The following FRAS1 variants were observed in gnomAD, a reference collection of about 807,000 sequenced individuals.
FRAS1 encodes the protein Fraser extracellular matrix complex subunit 1.
Under a neutral mutation model 435.2 loss-of-function variants are expected in FRAS1, and 290 were observed. That is an observed-to-expected ratio of 0.67 (90% CI 0.61 to 0.73). The LOEUF (loss-of-function observed/expected upper bound fraction) is 0.73. FRAS1 is among the 30% of genes least tolerant of loss of function. The pLI is 0.00. For synonymous variants in FRAS1, 1,800 were observed against 1,851.0 expected (o/e 0.97, Z 0.71); for missense variants, 4,860 against 5,001.5 (o/e 0.97, Z 0.85).
chr4:78,499,247 GGGT>G (rs1274186699), intron 60 of FRAS1, among the ~76,000 whole-genome samples: 6 of 152,092 alleles, frequency 3.9e-5, no homozygotes, highest in Non-Finnish European at 8.8e-5. Flanking sequence ...CAGAGGTGAG[GGGT>G]GGACTTGGTA....
chr4:78,089,187 C>A (rs1407844623), intron 2 of FRAS1, among the ~76,000 whole-genome samples: 1 of 149,892 alleles, frequency 6.7e-6, no homozygotes, highest in Non-Finnish European at 1.5e-5. Context: ...GGACAAAAAA[C>A]CAAATACCGC....
At position 78,363,515 on chromosome 4, in the gene FRAS1, T is replaced by A. The variant is rs750589426; in HGVS notation, c.2425T>A (p.Cys809Ser). 6.2e-7 allele frequency: 1 copy of A among 1,607,918 alleles called. No homozygotes were observed. Among genetic ancestry groups the A allele is most frequent in the Non-Finnish European group, 8.5e-7 (1 of 1,176,238 alleles). Residue 809 changes from cysteine to serine, a missense_variant and splice_region_variant, in exon 21 of 74, where the codon TGC becomes AGC. Physicochemically the swap from Cys to Ser is moderately radical, Grantham distance 112 (BLOSUM62 -1). Transcript: ENST00000512123. ...CTGTGCTCCCCTTCCCCCTCCAGAC[T>A]GCCATCACCTGTGCCAGCACTGTGC... ...FLNLVGYCAD[C>S]HHLCQHCAAD...
chr4:78,098,449 A>G (rs767150105), intron 2 of FRAS1, among the ~76,000 whole-genome samples: 1 of 151,624 alleles, frequency 6.6e-6, no homozygotes, highest in African/African-American at 2.4e-5. Context: ...TAATTTTTGT[A>G]TTTTTAGTAG....
intron 5 of FRAS1, among the ~76,000 whole-genome samples, chr4:78,254,603 C>T (rs1241200090): frequency 6.6e-6 from 1 of 152,052 alleles, no homozygotes. Context: ...TTTCTTAAGT[C>T]CTAAGAGGCC....
rs115152537 is a variant in FRAS1 at position 78,414,079 on chromosome 4, G to A, written c.4425+994G>A. Among the ~76,000 whole-genome samples the A allele has an allele frequency of 8.6e-3, 1,311 of 152,292 alleles. 22 individuals are homozygous for A. The highest frequency in any genetic ancestry group is 0.029 in the African/African-American group (1,215 of 41,562). The stretch of plus-strand genomic sequence containing the variant: ...ATAGTTTTAGAAATTATGGGTCTGG[G>A]TTATGACAGAGACATAAAGGGGAAA... On this transcript the variant is annotated intron_variant, in intron 32 of 73. Transcript: ENST00000512123.
In FRAS1 at chr4:78,079,414, A is replaced by G. The variant is rs992761021; in HGVS notation, c.108+13398A>G. ...GACAACTTAGACAAGGTTCTTTCTC[A>G]AAGATAGGAGCAAAGTAAGATAAAG... On this transcript the variant is annotated intron_variant, in intron 2 of 73. Coordinates refer to ENST00000512123, the MANE Select transcript of FRAS1 (RefSeq NM_025074.7). Among the ~76,000 whole-genome samples the G allele has an allele frequency of 2.6e-5, 4 of 152,262 alleles. No individual in the cohort carries two copies. The South Asian group carries it at 8.3e-4, about 32-fold the overall frequency.
intron 2 of FRAS1, among the ~76,000 whole-genome samples, chr4:78,185,984 C>T (rs1722251722): frequency 6.6e-6 from 1 of 152,148 alleles, no homozygotes; most frequent in Non-Finnish European, 1.5e-5. Flanking sequence ...TGCCTCATGA[C>T]TCCAAAAAAC....
intron 31 of FRAS1, among the ~76,000 whole-genome samples, chr4:78,409,224 G>T (rs563840591): frequency 6.6e-6 from 1 of 150,800 alleles, no homozygotes; most frequent in Non-Finnish European, 1.5e-5. Context: ...ATAATAAAAG[G>T]ATAAACAAAA....
intron 66 of FRAS1, among the ~76,000 whole-genome samples, chr4:78,518,381 A>C (rs927762167): frequency 2.0e-5 from 3 of 147,976 alleles, no homozygotes; most frequent in African/African-American, 7.4e-5. Flanking sequence ...TAATTAGCCA[A>C]TGATAAAATA....
chr4:78,325,749 C>T (rs1481511708), intron 18 of FRAS1, among the ~76,000 whole-genome samples: 1 of 152,186 alleles, frequency 6.6e-6, no homozygotes, highest in Non-Finnish European at 1.5e-5. Flanking sequence ...GCCATAATAG[C>T]AGTAGTCACA....
intron 9 of FRAS1, among the ~76,000 whole-genome samples, chr4:78,277,482 G>A (rs546666423): frequency 2.9e-4 from 44 of 152,050 alleles, no homozygotes; most frequent in Non-Finnish European, 4.6e-4. Flanking sequence ...TTAGAAAGTA[G>A]ATATGTCTTT....
chr4:78,185,624 G>A lies in FRAS1; in HGVS notation c.109-51886G>A, dbSNP rs182718839. ...TTGTGACCAGACGCCTTGCATTCCT[G>A]ACTGGTTGATTGTCATACAGTTTTA... On this transcript the variant is annotated intron_variant, in intron 2 of 73. Coordinates refer to ENST00000512123, the MANE Select transcript of FRAS1 (RefSeq NM_025074.7). Among the ~76,000 whole-genome samples the A allele has an allele frequency of 2.6e-5, 4 of 152,264 alleles. No homozygotes were observed. The East Asian group carries it at 7.7e-4, about 29-fold the overall frequency.
At chr4:78,329,723 G>T (rs1729867517) in intron 18 of FRAS1, among the ~76,000 whole-genome samples, 2 of 152,176 alleles carry the variant, frequency 1.3e-5, no homozygotes, top group African/African-American at 4.8e-5. Context: ...CATGGGAAAT[G>T]GTCAAAGGAC....
rs1488177060 is a variant in FRAS1, at chr4:78,282,838, G to T, written c.1126G>T (p.Asp376Tyr). ...TGCGTAGGAGGGAGAGAAGTGGGAA[G>T]ATGGCCCTTGCAAGGTGTGTGAGTG... ...KRIPEGEKWE[D>Y]GPCKVCECRG... is the part of the protein sequence containing the mutation. The change falls in exon 12 of 74, where the codon GAT becomes TAT. Residue 376 changes from aspartate to tyrosine, a missense_variant. Coordinates refer to ENST00000512123, the MANE Select transcript of FRAS1 (RefSeq NM_025074.7). 6.2e-7 allele frequency: 1 copy of T among 1,613,444 alleles called. No homozygotes were observed. Among genetic ancestry groups the T allele is most frequent in the Admixed American group, 1.7e-5 (1 of 59,984 alleles).
chr4:78,378,290 T>G (rs1344798808), intron 26 of FRAS1, among the ~76,000 whole-genome samples: 2 of 152,204 alleles, frequency 1.3e-5, no homozygotes, highest in Non-Finnish European at 2.9e-5. Flanking sequence ...AATATTACAT[T>G]TTGTGACATA....
intron 67 of FRAS1, among the ~76,000 whole-genome samples, chr4:78,519,836 A>T (rs1238456507): frequency 6.6e-6 from 1 of 152,176 alleles, no homozygotes; most frequent in Non-Finnish European, 1.5e-5. Flanking sequence ...GTTTTTACAG[A>T]GCAAAAGGAT....
intron 60 of FRAS1, among the ~76,000 whole-genome samples, chr4:78,498,949 G>T (rs748425120): frequency 6.6e-6 from 1 of 152,122 alleles, no homozygotes; most frequent in Non-Finnish European, 1.5e-5. Context: ...CAGGGCTCAA[G>T]TGACTCTCCC....
At chr4:78,170,366 C>T (rs1466267669) in intron 2 of FRAS1, among the ~76,000 whole-genome samples, 3 of 152,088 alleles carry the variant, frequency 2.0e-5, no homozygotes, top group Non-Finnish European at 4.4e-5. Context: ...AGCCAACAAC[C>T]GGTAGTGATA....
intron 14 of FRAS1, among the ~76,000 whole-genome samples, chr4:78,302,645 A>G (rs1728472132): frequency 6.6e-6 from 1 of 152,020 alleles, no homozygotes; most frequent in Non-Finnish European, 1.5e-5. Flanking sequence ...TGGCTGCATA[A>G]ATGTCTTCTT....
Sources: gnomAD v4.1 joint callset for allele counts (sites outside exome capture counted in the v4.1 genomes callset) on GRCh38, gnomAD v4.1.1 for gene constraint, MANE v1.5 for transcripts, NCBI Gene and HGNC (gene_info 2026-07-23, HGNC 2026-07-21) for gene names.